Variants in PDCD2 observed in about 807,000 individuals in gnomAD.
PDCD2 encodes programmed cell death 2, also known as uS5 assembly chaperone PDCD2.
PDCD2 carries 38 observed loss-of-function variants against 38.1 expected under a neutral mutation model. The ratio of observed to expected loss-of-function variants is 1.00; its 90% CI spans 0.77 to 1.31. The LOEUF is 1.31. Among genes scored for constraint, PDCD2 ranks in the 50% most tolerant of loss-of-function variants. The pLI is 0.00. For missense variants in PDCD2, 473 were observed against 435.7 expected (o/e 1.09, Z -0.76); for synonymous variants, 205 against 168.9 (o/e 1.21, Z -1.66).
intron 3 of PDCD2, chr6:170,582,728 A>G: frequency 8.0e-7 from 1 of 1,250,674 alleles, no homozygotes. Flanking sequence ...TGCGTGCCCG[A>G]CACTGTGCTA....
rs1779737461 is a variant in PDCD2 at position 170,584,354 on chromosome 6, G to A, written c.228C>T (p.His76=). Residue 76 remains histidine (H), a synonymous_variant, in exon 1 of 6, where the codon CAC becomes CAT. Transcript: ENST00000541970. ...GGCAGCAGAAGAGGAAGATGCAGCG[G>A]TGGAAGGCGTCCGGGCGGCCAGGCA... is the stretch of plus-strand genomic sequence containing the variant. ...APLPGRPDAF[H]RCIFLFCCRE... is the part of the protein sequence containing the mutation. The A allele has an allele frequency of 1.3e-6, 2 of 1,497,440 alleles. No individual in the cohort carries two copies. The highest frequency in any genetic ancestry group is 5.4e-5 in the East Asian group (2 of 37,010). 92.8% of individuals were successfully genotyped at this position (1,497,440 alleles called of 1,614,324 possible).
chr6:170,580,365 T>C (rs1161401484), intron 3 of PDCD2, among the ~76,000 whole-genome samples: 2 of 152,178 alleles, frequency 1.3e-5, no homozygotes, highest in Admixed American at 6.5e-5. Flanking sequence ...ACCCAACAAA[T>C]GTGAGCCCTT....
chr6:170,578,742 T>G (rs1001077001), intron 5 of PDCD2, 115 bp downstream of exon 5: 67 of 748,000 alleles, frequency 9.0e-5, no homozygotes, highest in Non-Finnish European at 1.6e-4. Context: ...CATTATAGGG[T>G]ACCCTTCCAT....
Position 170,583,759 on chromosome 6 carries a change from T to TGC in PDCD2, c.284-13_284-12insGC, listed in dbSNP as rs1317825441. On this transcript the variant is annotated splice_polypyrimidine_tract_variant and intron_variant, in intron 1 of 5. Coordinates refer to ENST00000541970, the MANE Select transcript of PDCD2 (RefSeq NM_002598.4). The stretch of plus-strand genomic sequence containing the variant: ...TTGATTCCTAAAAACTAAAAAAGAA[T>TGC]ACAGAGAAAAGTTTTATCTTCAAAC... 4 of 1,597,192 alleles carry TGC rather than the reference T, an allele frequency of 2.5e-6. No individual in the cohort carries two copies. In the African/African-American group the frequency reaches 5.4e-5, roughly 22 times the overall value.
intron 1 of PDCD2, 80 bp from the exon 2 acceptor site, chr6:170,583,827 A>C: frequency 1.9e-6 from 2 of 1,057,332 alleles, no homozygotes; most frequent in Non-Finnish European, 2.6e-6. Flanking sequence ...CGTAAAACTG[A>C]AAATAACAAC....
In PDCD2 at chr6:170,579,872, A is replaced by G. The variant is rs953092399; in HGVS notation, c.762+130T>C. ...CTGTGTGAGGAACTCCTCTAACAAGATAACAAAAGCCTGCTTTTATAGGCT... is the reference window on the plus strand; with the variant it reads ...CTGTGTGAGGAACTCCTCTAACAAGGTAACAAAAGCCTGCTTTTATAGGCT... On this transcript the variant is annotated intron_variant, in intron 4 of 5. Transcript: ENST00000541970. 9.9e-5 allele frequency: 61 copies of G among 614,572 alleles called. 1 individual carries two copies. Among genetic ancestry groups the G allele is most frequent in the South Asian group, 2.4e-4 (12 of 49,730 alleles). The allele number at this position is 614,572 out of a possible 1,614,324, so 38.1% of individuals were successfully genotyped here. A position where few individuals can be genotyped will look rare whatever the true frequency, so the allele number is the denominator to read the frequency against.
At chr6:170,582,847 C>T (rs894372154) in intron 3 of PDCD2, 3 of 1,357,664 alleles carry the variant, frequency 2.2e-6, no homozygotes, top group South Asian at 1.9e-5. Flanking sequence ...GATACCCACC[C>T]TTGTCTTTAC....
Position 170,576,225 on chromosome 6 carries a change from A to G in PDCD2, c.*1334T>C, listed in dbSNP as rs1414240594. 3 of 152,250 alleles carry G rather than the reference A, an allele frequency of 2.0e-5. No individual in the cohort carries two copies. The highest frequency in any genetic ancestry group is 4.8e-5 in the African/African-American group (2 of 41,464). 9.4% of individuals were successfully genotyped at this position (152,250 alleles called of 1,614,324 possible). The stretch of plus-strand genomic sequence containing the variant: ...TTCCCATATGGTGCTATGTATAACT[A>G]TCTTATACAATTAATACAAATTGCA... On this transcript the variant is annotated 3_prime_UTR_variant, in exon 6 of 6. Coordinates refer to ENST00000541970, the MANE Select transcript of PDCD2 (RefSeq NM_002598.4).
chr6:170,584,282 C>T lies in PDCD2; in HGVS notation c.283+17G>A, dbSNP rs1229354355. On this transcript the variant is annotated intron_variant, in intron 1 of 5. Coordinates refer to ENST00000541970, the MANE Select transcript of PDCD2 (RefSeq NM_002598.4). Reference sequence around the variant, plus strand: ...GTCGGAGGCATGGCCCCGTCCCGACCCCGTTTGGCGGCTCACCTCGCAGGC... The same window carrying T: ...GTCGGAGGCATGGCCCCGTCCCGACTCCGTTTGGCGGCTCACCTCGCAGGC... The T allele has an allele frequency of 7.1e-7, 1 of 1,409,744 alleles. No homozygotes were observed. The highest frequency in any genetic ancestry group is 1.5e-5 in the African/African-American group (1 of 67,368). The allele number at this position is 1,409,744 out of a possible 1,614,324, so 87.3% of individuals were successfully genotyped here. A position where few individuals can be genotyped will look rare whatever the true frequency, so the allele number is the denominator to read the frequency against.
At chr6:170,582,449 A>G (rs774761378) in intron 3 of PDCD2, 61 of 1,428,124 alleles carry the variant, frequency 4.3e-5, no homozygotes, top group Non-Finnish European at 5.4e-5. Context: ...GTGACCAAAG[A>G]AAGTTATACC....
Position 170,577,617 on chromosome 6 carries a change from A to C in PDCD2, c.977T>G (p.Leu326Trp). The stretch of plus-strand genomic sequence containing the variant: ...AAATTCTTCTGTATAGCCAGTACCC[A>C]AGCTGCAGCTCTCAGCACAGGTGAA... ...AVFTCAESCS[L>W]GTGYTEEFVW... Residue 326 changes from leucine to tryptophan, a missense_variant, in exon 6 of 6, where the codon TTG becomes TGG. Physicochemically the swap from Leu to Trp is moderately conservative, Grantham distance 61. Transcript: ENST00000541970. 4.3e-6 allele frequency: 7 copies of C among 1,614,144 alleles called. No homozygotes were observed. The highest frequency in any genetic ancestry group is 5.9e-6 in the Non-Finnish European group (7 of 1,180,018).
At chr6:170,582,223 C>G in intron 3 of PDCD2, 1 of 1,439,824 alleles carries the variant, frequency 6.9e-7, no homozygotes, top group Non-Finnish European at 9.4e-7. Context: ...CTCCATAAGA[C>G]TGTGAGCATC....
Position 170,583,158 on chromosome 6 carries a change from T to C in PDCD2, c.557A>G (p.Asn186Ser), listed in dbSNP as rs766274052. ...AATTTCAAATTCTGGAAAAAGGAAG[T>C]TGTGGTCTGGAATTATATGGTCCAG... ...DHLDHIIPDH[N>S]FLFPEFEIVI... Residue 186 changes from asparagine (N) to serine (S), a missense_variant, in exon 3 of 6, where the codon AAC (asparagine) becomes AGC (serine). Coordinates refer to ENST00000541970, the MANE Select transcript of PDCD2 (RefSeq NM_002598.4). The C allele has an allele frequency of 1.9e-6, 3 of 1,612,188 alleles. No homozygotes were observed. Among genetic ancestry groups the C allele is most frequent in the Non-Finnish European group, 1.7e-6 (2 of 1,178,916 alleles).
intron 3 of PDCD2, among the ~76,000 whole-genome samples, chr6:170,580,744 C>T (rs1409840117): frequency 6.6e-6 from 1 of 152,120 alleles, no homozygotes; most frequent in Non-Finnish European, 1.5e-5. Context: ...TCCTTCTCCA[C>T]ATTCCTTCCT....
chr6:170,580,937 T>C (rs910375780), intron 3 of PDCD2, among the ~76,000 whole-genome samples: 2 of 152,196 alleles, frequency 1.3e-5, no homozygotes, highest in Admixed American at 1.3e-4. Context: ...TCAGGTCTGA[T>C]GGAGGAAGTG....
At chr6:170,579,761 C>T (rs766472974) in intron 4 of PDCD2, 3 of 300,876 alleles carry the variant, frequency 1.0e-5, no homozygotes, top group Non-Finnish European at 1.8e-5. Context: ...AGAAAATGAA[C>T]CCTGTATGAT....
At chr6:170,578,566 CTAA>C (rs1415946344) in intron 5 of PDCD2, 3 of 695,128 alleles carry the variant, frequency 4.3e-6, no homozygotes, top group East Asian at 2.7e-5. Context: ...AACAGAGGCA[CTAA>C]TAATAATGAC....
chr6:170,584,257 G>A, intron 1 of PDCD2, 42 bp downstream of exon 1: 1 of 1,363,150 alleles, frequency 7.3e-7, no homozygotes, highest in Non-Finnish European at 9.4e-7. Flanking sequence ...CCGCGCACGC[G>A]TCGGAGGCAT....
At chr6:170,583,856 GT>G (rs1779712012) in intron 1 of PDCD2, 109 bp from the exon 2 acceptor site, 3 of 924,772 alleles carry the variant, frequency 3.2e-6, no homozygotes, top group East Asian at 2.6e-5. Flanking sequence ...AGAAATGAAA[GT>G]TTTTGCTTTC....
Sources: gnomAD v4.1 joint callset for allele counts (sites outside exome capture counted in the v4.1 genomes callset) on GRCh38, gnomAD v4.1.1 for gene constraint, MANE v1.5 for transcripts, NCBI Gene and HGNC (gene_info 2026-07-23, HGNC 2026-07-21) for gene names.